Variants in TNRC6A observed in about 807,000 individuals in gnomAD.
TNRC6A encodes the protein trinucleotide repeat-containing gene 6A protein.
In TNRC6A, 44 loss-of-function variants were observed where a neutral mutation model predicts 221.2. The ratio of observed to expected loss-of-function variants is 0.20; its 90% CI spans 0.16 to 0.26. The LOEUF is 0.26. TNRC6A is among the 10% of genes least tolerant of loss of function. The probability of loss-of-function intolerance (pLI) is 1.00; values close to 1 mark genes in which losing one functional copy is unlikely to be tolerated. For synonymous variants in TNRC6A, 847 were observed against 838.5 expected, an observed-to-expected ratio of 1.01 and a Z score of -0.18; for missense variants, 2,199 against 2,404.4, an observed-to-expected ratio of 0.91 and a Z score of 1.79.
At chr16:24,795,968 T>G (rs2058211235) in intron 9 of TNRC6A, 29 bp downstream of exon 9, 1 of 1,612,640 alleles carries the variant, frequency 6.2e-7, no homozygotes, top group Admixed American at 1.7e-5. Context: ...CTTTCTCCTT[T>G]GTTTCTACTA....
At chr16:24,801,739 C>T (rs972299128) in intron 11 of TNRC6A, among the ~76,000 whole-genome samples, 8 of 152,186 alleles carry the variant, frequency 5.3e-5, no homozygotes, top group South Asian at 2.1e-4. Flanking sequence ...CCTCCCAAAG[C>T]GCTGAGATTA....
chr16:24,784,825 A>T (rs1321461325), intron 5 of TNRC6A, among the ~76,000 whole-genome samples: 7 of 152,178 alleles, frequency 4.6e-5, no homozygotes, highest in Non-Finnish European at 1.0e-4. Context: ...TTTTTCACTA[A>T]CATTAAAGGT....
chr16:24,727,101 C>T (rs970176709), upstream of TNRC6A, among the ~76,000 whole-genome samples: 3 of 150,976 alleles, frequency 2.0e-5, no homozygotes, highest in African/African-American at 7.3e-5. Context: ...GTGATCTCAG[C>T]TCACTGCAAC....
intron 2 of TNRC6A, among the ~76,000 whole-genome samples, chr16:24,749,293 G>A (rs1213638035): frequency 6.6e-6 from 1 of 152,278 alleles, no homozygotes; most frequent in East Asian, 1.9e-4. Flanking sequence ...GTGTTGATTG[G>A]CAAGCTTTAC....
At chr16:24,812,045 TTTTTTTTTTTTTTTTTTTTTTGA>T in intron 18 of TNRC6A, among the ~76,000 whole-genome samples, 1 of 75,070 alleles carries the variant, frequency 1.3e-5, no homozygotes, top group Admixed American at 1.4e-4. Context: ...TTTTTTTTTT[TTTTTTTTTTTTTTTTTTTTTTGA>T]GACAGAGTCT....
At chr16:24,667,615 A>G (rs944017397) in intron 2 of TNRC6A, among the ~76,000 whole-genome samples, 5 of 152,196 alleles carry the variant, frequency 3.3e-5, no homozygotes, top group Non-Finnish European at 7.3e-5. Flanking sequence ...ATTAAGCCTC[A>G]GTTTTCTCAT....
chr16:24,683,573 C>T (rs1259114155), intron 2 of TNRC6A, among the ~76,000 whole-genome samples: 1 of 152,162 alleles, frequency 6.6e-6, no homozygotes, highest in Non-Finnish European at 1.5e-5. Flanking sequence ...CTGTGTTCAT[C>T]ACCAACATCA....
intron 2 of TNRC6A, among the ~76,000 whole-genome samples, chr16:24,712,216 T>C (rs1321229165): frequency 1.3e-5 from 2 of 151,428 alleles, no homozygotes; most frequent in Non-Finnish European, 2.9e-5. Context: ...TGCAGTAGCA[T>C]GATCATAGAC....
chr16:24,804,083 A>T, intron 11 of TNRC6A, 94 bp from the exon 12 acceptor site: 1 of 1,327,402 alleles, frequency 7.5e-7, no homozygotes, highest in Non-Finnish European at 1.0e-6. Flanking sequence ...AAGTCATTTC[A>T]GTTTGGAAAG....
chr16:24,612,352 A>C (rs1469838310), intron 1 of TNRC6A, among the ~76,000 whole-genome samples: 2 of 152,166 alleles, frequency 1.3e-5, no homozygotes, highest in Non-Finnish European at 2.9e-5. Context: ...TCATTAGGTC[A>C]CTTGCTTAAG....
chr16:24,773,767 C>G (rs1022280124), intron 4 of TNRC6A, among the ~76,000 whole-genome samples: 5 of 151,360 alleles, frequency 3.3e-5, no homozygotes, highest in African/African-American at 1.2e-4. Flanking sequence ...TTGTCTTATC[C>G]TTTATAATGC....
chr16:24,730,116 G>T, intron 1 of TNRC6A, 137 bp from the exon 2 acceptor site: 1 of 820,660 alleles, frequency 1.2e-6, no homozygotes. Flanking sequence ...AGCTTTGTGA[G>T]TCCCCCTCCC....
chr16:24,727,830 G>A (rs1198003940), upstream of TNRC6A, among the ~76,000 whole-genome samples: 3 of 152,108 alleles, frequency 2.0e-5, no homozygotes, highest in African/African-American at 7.2e-5. Context: ...AAACAAATAT[G>A]TGTGTAGGTA....
intron 3 of TNRC6A, among the ~76,000 whole-genome samples, chr16:24,752,184 A>C (rs1199851266): frequency 2.0e-5 from 3 of 152,172 alleles, no homozygotes; most frequent in Non-Finnish European, 4.4e-5. Context: ...CCAGAGTGTG[A>C]AATACTGGTG....
intron 2 of TNRC6A, among the ~76,000 whole-genome samples, chr16:24,688,193 C>T (rs1273108689): frequency 6.6e-6 from 1 of 151,720 alleles, no homozygotes; most frequent in African/African-American, 2.4e-5. Flanking sequence ...CTGATCTTGG[C>T]CTCCCAAAGT....
At chr16:24,776,024 T>C (rs779303821) in intron 4 of TNRC6A, among the ~76,000 whole-genome samples, 1 of 152,160 alleles carries the variant, frequency 6.6e-6, no homozygotes, top group Non-Finnish European at 1.5e-5. Context: ...AAGGTGTAGG[T>C]ACTATCTCCA....
chr16:24,613,245 G>C (rs1469630371), intron 1 of TNRC6A, among the ~76,000 whole-genome samples: 4 of 151,582 alleles, frequency 2.6e-5, no homozygotes, highest in Non-Finnish European at 5.9e-5. Context: ...GTTGGGGTGT[G>C]AGAGAGGGGT....
chr16:24,686,525 C>T (rs928932013), intron 2 of TNRC6A, among the ~76,000 whole-genome samples: 15 of 152,050 alleles, frequency 9.9e-5, no homozygotes, highest in Non-Finnish European at 1.6e-4. Context: ...CCATCCCCTG[C>T]GTCTGGGCAC....
In TNRC6A at chr16:24,791,861, G is replaced by GTTA. The variant is rs775208648; in HGVS notation, c.3175+49_3175+51dup. Reference sequence around the variant, plus strand: ...AAATCAAGCCTTGTTTTAACTTACTGTTATTATAAGATTTGTATAACAAAG... The same window carrying GTTA: ...AAATCAAGCCTTGTTTTAACTTACTGTTATTATTATAAGATTTGTATAACAAAG... On this transcript the variant is annotated intron_variant, in intron 6 of 24. Transcript: ENST00000395799. The GTTA allele has an allele frequency of 1.5e-5, 22 of 1,447,056 alleles. 1 individual carries two copies. The South Asian group carries it at 3.4e-4, about 22-fold the overall frequency. 89.6% of individuals were successfully genotyped at this position (1,447,056 alleles called of 1,614,324 possible).
Sources: gnomAD v4.1 joint callset for allele counts (sites outside exome capture counted in the v4.1 genomes callset) on GRCh38, gnomAD v4.1.1 for gene constraint, MANE v1.5 for transcripts, NCBI Gene and HGNC (gene_info 2026-07-23, HGNC 2026-07-21) for gene names.